Variants in TENM1 observed in about 807,000 individuals in gnomAD.
TENM1 encodes the protein teneurin-1.
In TENM1, 35 loss-of-function variants were observed where a neutral mutation model predicts 174.8. The observed-to-expected ratio is 0.20, with a 90% CI of 0.15 to 0.27. The LOEUF (loss-of-function observed/expected upper bound fraction) is 0.27, where lower values mean the gene tolerates loss of function less well. Among genes scored for constraint, TENM1 ranks in the 10% least tolerant of loss-of-function variants. The pLI, the probability that TENM1 is intolerant of heterozygous loss-of-function variation, is 1.00. For missense variants in TENM1, 1,633 were observed against 2,130.1 expected (o/e 0.77, Z 4.59); for synonymous variants, 781 against 798.7 (o/e 0.98, Z 0.37).
chrX:124,965,303 T>G (rs990225261), upstream of TENM1, among the ~76,000 whole-genome samples: 17 of 111,469 alleles, frequency 1.5e-4, no homozygotes, highest in African/African-American at 5.2e-4. Flanking sequence ...ATGGTCTCGA[T>G]CTCCTCACCT....
At chrX:125,117,364 T>C in the TENM1 span, among the ~76,000 whole-genome samples, 1 of 112,389 alleles carries the variant, frequency 8.9e-6, no homozygotes, top group Admixed American at 9.4e-5. Flanking sequence ...TGGAATACTA[T>C]GCAGCCATAA....
the TENM1 span, among the ~76,000 whole-genome samples, chrX:125,157,486 C>T: frequency 8.9e-6 from 1 of 111,990 alleles, no homozygotes; most frequent in Non-Finnish European, 1.9e-5. Context: ...CGACTGATAC[C>T]ATATTTTGTT....
chrX:125,099,895 T>TC, the TENM1 span, among the ~76,000 whole-genome samples: 2 of 111,629 alleles, frequency 1.8e-5, no homozygotes, highest in Non-Finnish European at 3.8e-5. Flanking sequence ...ATACTATATA[T>TC]CAATATTTAT....
the TENM1 span, among the ~76,000 whole-genome samples, chrX:125,185,016 G>T: frequency 0.01 from 1,145 of 111,467 alleles, 10 homozygotes; most frequent in African/African-American, 0.035. Context: ...ACGAAAAAAG[G>T]CACAATAACT....
the TENM1 span, among the ~76,000 whole-genome samples, chrX:124,999,793 G>A: frequency 7.2e-5 from 8 of 111,109 alleles, no homozygotes; most frequent in African/African-American, 2.3e-4. Context: ...AAAGTAACAT[G>A]GATACTTCAA....
chrX:125,093,923 A>G, the TENM1 span, among the ~76,000 whole-genome samples: 1 of 112,174 alleles, frequency 8.9e-6, no homozygotes, highest in African/African-American at 3.2e-5. Context: ...AGCAGAGCCA[A>G]AGTCTGAATG....
chrX:124,862,353 G>A (rs938631347), intron 3 of TENM1, among the ~76,000 whole-genome samples: 2 of 111,455 alleles, frequency 1.8e-5, no homozygotes, highest in Non-Finnish European at 3.8e-5. Context: ...TGCTGAAAGC[G>A]GCACTGAAGA....
intron 23 of TENM1, among the ~76,000 whole-genome samples, chrX:124,426,424 G>A (rs1421998457): frequency 1.8e-5 from 2 of 111,917 alleles, no homozygotes; most frequent in African/African-American, 6.5e-5. Flanking sequence ...TGCATTCTGC[G>A]GCCTACTACT....
Position 124,485,808 on chromosome X carries a change from T to A in TENM1, c.3716+1401A>T, listed in dbSNP as rs143624201. On this transcript the variant is annotated intron_variant, in intron 21 of 31. Transcript: ENST00000422452. The stretch of plus-strand genomic sequence containing the variant: ...GGCCTGGACCAAGATTAGACTAGAT[T>A]ATATGTGATTTTGTGTGCAAAATAC... Among the ~76,000 whole-genome samples, 1,037 of 111,483 alleles carry A rather than the reference T, an allele frequency of 9.3e-3. 28 individuals carry two copies. Among genetic ancestry groups the A allele is most frequent in the Admixed American group, 0.064 (674 of 10,507 alleles).
the TENM1 span, chrX:125,203,958 A>G: frequency 3.6e-5 from 4 of 112,667 alleles, no homozygotes; most frequent in Non-Finnish European, 7.5e-5. Flanking sequence ...TTACTGTTCG[A>G]GCTGCCGCTC....
At chrX:124,481,695 G>GTATGTATATATATATA in intron 22 of TENM1, 37 bp downstream of exon 25, 1 of 273,666 alleles carries the variant, frequency 3.7e-6, no homozygotes, top group East Asian at 6.6e-5. Context: ...TGACCCAAGG[G>GTATGTATATATATATA]TATATATATA....
chrX:124,955,864 A>T (rs1312688405), intron 1 of TENM1, among the ~76,000 whole-genome samples: 1 of 110,029 alleles, frequency 9.1e-6, no homozygotes, highest in Non-Finnish European at 1.9e-5. Flanking sequence ...AATTTACAGC[A>T]GTCTATCTGT....
chrX:124,582,619 G>A (rs777891896), intron 11 of TENM1, among the ~76,000 whole-genome samples: 1 of 112,143 alleles, frequency 8.9e-6, no homozygotes, highest in South Asian at 3.8e-4. Context: ...CAGAAGATGG[G>A]TGATTTCTGC....
chrX:124,923,342 AAC>A (rs917812627), intron 1 of TENM1, among the ~76,000 whole-genome samples: 3 of 111,717 alleles, frequency 2.7e-5, no homozygotes, highest in Non-Finnish European at 5.7e-5. Flanking sequence ...TTTATTTTGA[AAC>A]AGTTTCATCA....
At chrX:124,771,241 A>T (rs2054647083) in intron 3 of TENM1, among the ~76,000 whole-genome samples, 1 of 112,688 alleles carries the variant, frequency 8.9e-6, no homozygotes. Context: ...TTCAGTAAGC[A>T]CAACATTTCA....
the TENM1 span, among the ~76,000 whole-genome samples, chrX:125,167,502 G>C: frequency 9.0e-6 from 1 of 111,719 alleles, no homozygotes; most frequent in Non-Finnish European, 1.9e-5. Context: ...ATATGTGGTA[G>C]AACTAGTGAA....
chrX:125,007,310 C>T, the TENM1 span, among the ~76,000 whole-genome samples: 4 of 107,072 alleles, frequency 3.7e-5, no homozygotes, highest in Admixed American at 1.0e-4. Flanking sequence ...AAATAAGGCA[C>T]GCAGACAACA....
the TENM1 span, among the ~76,000 whole-genome samples, chrX:125,050,515 C>T: frequency 6.3e-5 from 7 of 111,627 alleles, no homozygotes; most frequent in Admixed American, 9.5e-5. Flanking sequence ...GGCTGCATAG[C>T]ATTCCATGGT....
At chrX:125,179,151 AC>A in the TENM1 span, among the ~76,000 whole-genome samples, 85 of 111,964 alleles carry the variant, frequency 7.6e-4, 1 homozygote, top group South Asian at 0.03. Context: ...ACCAAACTCA[AC>A]AGGTATAAAA....
Sources: allele counts gnomAD v4.1 joint callset (sites outside exome capture counted in the v4.1 genomes callset), GRCh38; gene constraint gnomAD v4.1.1; transcripts MANE v1.5; gene names NCBI Gene and HGNC (gene_info 2026-07-23, HGNC 2026-07-21).